The following CPNE5 variants were observed in gnomAD, a reference collection of about 807,000 sequenced individuals.
CPNE5 encodes the protein copine 5, also known as copine-5.
Under a neutral mutation model 81.1 loss-of-function variants are expected in CPNE5, and 42 were observed. That is an observed-to-expected ratio of 0.52 (90% CI 0.40 to 0.67). The LOEUF (loss-of-function observed/expected upper bound fraction) is 0.67, where lower values mean the gene tolerates loss of function less well. CPNE5 is among the 30% of genes least tolerant of loss of function. CPNE5 has a pLI of 0.00. For synonymous variants in CPNE5, 313 were observed against 321.5 expected (o/e 0.97, Z 0.28); for missense variants, 612 against 815.5 (o/e 0.75, Z 3.04).
intron 6 of CPNE5, among the ~76,000 whole-genome samples, chr6:36,795,156 A>T (rs1201057583): frequency 6.6e-6 from 1 of 152,158 alleles, no homozygotes; most frequent in African/African-American, 2.4e-5. Context: ...TATATTTGGA[A>T]ATAGAGTCTT....
At position 36,801,022 on chromosome 6, in the gene CPNE5, G is replaced by A. The variant is rs542541987; in HGVS notation, c.184-952C>T. 7.2e-5 allele frequency among the ~76,000 whole-genome samples: 11 copies of A among 152,294 alleles called. No homozygotes were observed. The East Asian group carries it at 1.2e-3, about 16-fold the overall frequency. On this transcript the variant is annotated intron_variant, in intron 3 of 20. Transcript: ENST00000244751. Reference sequence around the variant, plus strand: ...GTGACCTTGTGAGAGACCCTGAGCCGGAGGACCCAGCAAAGCTGCACTCAG... The same window carrying A: ...GTGACCTTGTGAGAGACCCTGAGCCAGAGGACCCAGCAAAGCTGCACTCAG...
At position 36,746,190 on chromosome 6, in the gene CPNE5, C is replaced by A; in HGVS notation, c.1200+206G>T. On this transcript the variant is annotated intron_variant, in intron 16 of 20. Coordinates refer to ENST00000244751, the MANE Select transcript of CPNE5 (RefSeq NM_020939.2). This position sits in a 1 kb window ranked among gnomAD's most constrained non-coding sequence, Gnocchi z 4.5. ...GAAGCCAGGGCCAGCTGTGGGCAGG[C>A]AGCTTCAGACATGGAGGGGCAGCAT... 1 of 985,414 alleles carries A rather than the reference C, an allele frequency of 1.0e-6. No homozygotes were observed. Among genetic ancestry groups the A allele is most frequent in the Non-Finnish European group, 1.2e-6 (1 of 829,916 alleles). The allele number at this position is 985,414 out of a possible 1,614,324, so 61.0% of individuals were successfully genotyped here. A position where few individuals can be genotyped will look rare whatever the true frequency, so the allele number is the denominator to read the frequency against.
chr6:36,806,392 T>C (rs1035502499), intron 3 of CPNE5, among the ~76,000 whole-genome samples: 1 of 152,098 alleles, frequency 6.6e-6, no homozygotes, highest in Non-Finnish European at 1.5e-5. Context: ...CTCAGCTCCA[T>C]GGTTCTGGGA....
chr6:36,830,307 T>C (rs1772878189), intron 1 of CPNE5, among the ~76,000 whole-genome samples: 2 of 152,110 alleles, frequency 1.3e-5, no homozygotes. Flanking sequence ...ATCCTCAGCC[T>C]CTCGGAGCTG....
chr6:36,742,576 C>T (rs1310291641), intron 20 of CPNE5, 90 bp from the exon 21 acceptor site: 8 of 803,118 alleles, frequency 1.0e-5, no homozygotes, highest in Admixed American at 2.0e-5. Context: ...CCCCACCCCC[C>T]TCCCAGCCTC....
intron 1 of CPNE5, among the ~76,000 whole-genome samples, chr6:36,831,101 C>G (rs1772948448): frequency 6.6e-6 from 1 of 152,156 alleles, no homozygotes; most frequent in Non-Finnish European, 1.5e-5. Context: ...GTTGCCCAGG[C>G]TGGAGTGCAG....
At chr6:36,834,454 A>G (rs1430016287) in intron 1 of CPNE5, among the ~76,000 whole-genome samples, 1 of 151,902 alleles carries the variant, frequency 6.6e-6, no homozygotes, top group Non-Finnish European at 1.5e-5. Context: ...TCAGCAGTTC[A>G]AGACCAGCCT....
intron 1 of CPNE5, among the ~76,000 whole-genome samples, chr6:36,828,882 G>T (rs1352823434): frequency 6.6e-6 from 1 of 152,092 alleles, no homozygotes; most frequent in Non-Finnish European, 1.5e-5. Context: ...ATGACCTCTG[G>T]CATGTCATTT....
chr6:36,786,133 G>GA (rs1169465057), intron 8 of CPNE5, among the ~76,000 whole-genome samples: 2 of 151,532 alleles, frequency 1.3e-5, no homozygotes, highest in East Asian at 1.9e-4. Flanking sequence ...TTTTTAGTCA[G>GA]AAAAAAATAA....
chr6:36,742,933 C>A, intron 20 of CPNE5: 1 of 985,426 alleles, frequency 1.0e-6, no homozygotes, highest in South Asian at 4.7e-5. Flanking sequence ...TGCCTAATGC[C>A]AGGCCCATCT....
At chr6:36,745,958 AG>A (rs1360868340) in intron 16 of CPNE5, among the ~76,000 whole-genome samples, 1 of 152,172 alleles carries the variant, frequency 6.6e-6, no homozygotes, top group Non-Finnish European at 1.5e-5. Context: ...AGCCAGGGAA[AG>A]GGGTGGCCTG....
chr6:36,765,055 G>A (rs1044858862), intron 11 of CPNE5, among the ~76,000 whole-genome samples: 3 of 152,210 alleles, frequency 2.0e-5, no homozygotes, highest in Admixed American at 6.5e-5. Context: ...GTACTGGCGG[G>A]CCCCTGGGCA....
intron 8 of CPNE5, among the ~76,000 whole-genome samples, chr6:36,782,290 G>T (rs1341007637): frequency 6.6e-6 from 1 of 152,128 alleles, no homozygotes; most frequent in East Asian, 1.9e-4. Flanking sequence ...TGCACTGGTT[G>T]ACTATAAAAT....
chr6:36,825,750 G>A (rs1772448598), intron 1 of CPNE5, among the ~76,000 whole-genome samples: 1 of 152,206 alleles, frequency 6.6e-6, no homozygotes, highest in Non-Finnish European at 1.5e-5. Flanking sequence ...AAGTTTGGGG[G>A]TAGGGGTGTC....
intron 7 of CPNE5, among the ~76,000 whole-genome samples, chr6:36,793,287 C>T (rs1013962266): frequency 5.9e-5 from 9 of 152,142 alleles, no homozygotes; most frequent in Admixed American, 3.9e-4. Flanking sequence ...CAGATCTCTC[C>T]AAATCAGGTG....
At chr6:36,752,711 GT>G (rs1764980960) in intron 14 of CPNE5, 2 of 212,116 alleles carry the variant, frequency 9.4e-6, no homozygotes, top group Non-Finnish European at 1.9e-5. Flanking sequence ...CTATTGCAGG[GT>G]TCTTTCTACA....
intron 3 of CPNE5, among the ~76,000 whole-genome samples, chr6:36,817,601 G>A (rs1225756787): frequency 6.6e-6 from 1 of 152,084 alleles, no homozygotes; most frequent in Non-Finnish European, 1.5e-5. Flanking sequence ...ATGCTCCTCT[G>A]TCTGTGCTGG....
At chr6:36,784,065 A>G (rs936800968) in intron 8 of CPNE5, among the ~76,000 whole-genome samples, 1 of 152,236 alleles carries the variant, frequency 6.6e-6, no homozygotes, top group African/African-American at 2.4e-5. Context: ...TTAAAATTAA[A>G]AACAAAAAAA....
At chr6:36,779,005 G>T in intron 8 of CPNE5, 48 bp from the exon 9 acceptor site, 1 of 1,318,546 alleles carries the variant, frequency 7.6e-7, no homozygotes, top group Non-Finnish European at 1.1e-6. Context: ...GAAAGTGGAA[G>T]CACAGCTCCC....
Sources: gnomAD v4.1 joint callset for allele counts (sites outside exome capture counted in the v4.1 genomes callset) on GRCh38, gnomAD v4.1.1 for gene constraint, Gnocchi (gnomAD v3.1) non-coding constraint, MANE v1.5 for transcripts, NCBI Gene and HGNC (gene_info 2026-07-23, HGNC 2026-07-21) for gene names.